The following RALYL variants were observed in gnomAD, a reference collection of about 807,000 sequenced individuals.
RALYL encodes the protein RNA-binding Raly-like protein.
Under a neutral mutation model 35.1 loss-of-function variants are expected in RALYL, and 29 were observed. The observed-to-expected ratio is 0.83, with a 90% CI of 0.61 to 1.13. The LOEUF is 1.13. Ranked by LOEUF, RALYL falls within the 50% of genes most tolerant of loss-of-function variation. The pLI is 0.00. For missense variants in RALYL, 359 were observed against 360.4 expected (o/e 1.00, Z 0.03); for synonymous variants, 120 against 127.6 (o/e 0.94, Z 0.40).
intron 1 of RALYL, among the ~76,000 whole-genome samples, chr8:84,193,582 G>A (rs1814510623): frequency 1.3e-5 from 2 of 152,306 alleles, no homozygotes; most frequent in South Asian, 4.1e-4. Context: ...GCCATTTAAT[G>A]GTGACTTCAG....
At chr8:84,884,403 G>C (rs992825355) in intron 7 of RALYL, among the ~76,000 whole-genome samples, 1 of 151,974 alleles carries the variant, frequency 6.6e-6, no homozygotes, top group Non-Finnish European at 1.5e-5. Flanking sequence ...TGAGGACTAT[G>C]CATGTTTAAA....
intron 8 of RALYL, among the ~76,000 whole-genome samples, chr8:84,889,993 C>T (rs1406084386): frequency 1.3e-5 from 2 of 152,194 alleles, no homozygotes; most frequent in Non-Finnish European, 2.9e-5. Flanking sequence ...ACTCTTGCCT[C>T]ATGCAACCCA....
intron 7 of RALYL, among the ~76,000 whole-genome samples, chr8:84,881,968 A>G (rs1409195248): frequency 6.6e-6 from 1 of 151,984 alleles, no homozygotes; most frequent in Non-Finnish European, 1.5e-5. Flanking sequence ...CTGTGTGACC[A>G]TGAGCACTTA....
intron 1 of RALYL, among the ~76,000 whole-genome samples, chr8:84,419,419 T>C (rs2045179562): frequency 6.6e-6 from 1 of 152,114 alleles, no homozygotes; most frequent in South Asian, 2.1e-4. Flanking sequence ...AACATTTTCA[T>C]TGTCTTTATC....
intron 2 of RALYL, among the ~76,000 whole-genome samples, chr8:84,731,324 A>G (rs1242062121): frequency 6.6e-6 from 1 of 152,036 alleles, no homozygotes; most frequent in Non-Finnish European, 1.5e-5. Context: ...GGGATGGTTA[A>G]CCCTCTTTTG....
At chr8:84,491,013 A>G (rs1396028783) in intron 1 of RALYL, among the ~76,000 whole-genome samples, 1 of 151,964 alleles carries the variant, frequency 6.6e-6, no homozygotes, top group Non-Finnish European at 1.5e-5. Flanking sequence ...AGTATGAGGA[A>G]GCATTTATGA....
chr8:84,270,820 C>A (rs1834167183), intron 1 of RALYL, among the ~76,000 whole-genome samples: 1 of 151,986 alleles, frequency 6.6e-6, no homozygotes. Flanking sequence ...CTGAGTCTAA[C>A]AAGTTATAGT....
intron 1 of RALYL, among the ~76,000 whole-genome samples, chr8:84,275,836 G>T (rs533887481): frequency 6.6e-6 from 1 of 151,944 alleles, no homozygotes; most frequent in African/African-American, 2.4e-5. Context: ...AATTTTCTTA[G>T]CAAGATCTTT....
chr8:84,652,518 A>G (rs779132336), intron 2 of RALYL, among the ~76,000 whole-genome samples: 6 of 152,072 alleles, frequency 3.9e-5, no homozygotes, highest in Non-Finnish European at 7.4e-5. Context: ...ACAAGTGAAC[A>G]TATTTATTCC....
At chr8:84,674,815 C>T (rs1015457419) in intron 2 of RALYL, among the ~76,000 whole-genome samples, 2 of 151,882 alleles carry the variant, frequency 1.3e-5, no homozygotes, top group African/African-American at 2.4e-5. Flanking sequence ...GCATGAAATC[C>T]AAGATTACAG....
rs913141977 is a variant in RALYL at position 84,854,615 on chromosome 8, A to G, written c.413+4588A>G. Among the ~76,000 whole-genome samples, 22 of 152,212 alleles carry G rather than the reference A, an allele frequency of 1.4e-4. 1 individual carries two copies. Among genetic ancestry groups the G allele is most frequent in the Admixed American group, 1.4e-3 (21 of 15,282 alleles). ...TCTGTTAACCCCATGCTGCTTGTTTAGATCATGAAAACAGAAATTACACTA... is the reference window on the plus strand; with the variant it reads ...TCTGTTAACCCCATGCTGCTTGTTTGGATCATGAAAACAGAAATTACACTA... On this transcript the variant is annotated intron_variant, in intron 5 of 8. Coordinates refer to ENST00000521268, the MANE Select transcript of RALYL (RefSeq NM_173848.7).
chr8:84,267,237 T>C (rs1366554975), intron 1 of RALYL, among the ~76,000 whole-genome samples: 1 of 152,172 alleles, frequency 6.6e-6, no homozygotes, highest in Non-Finnish European at 1.5e-5. Flanking sequence ...CTATGAGTTT[T>C]AGGATGCCTT....
intron 2 of RALYL, among the ~76,000 whole-genome samples, chr8:84,735,231 G>A (rs1185985889): frequency 6.6e-6 from 1 of 151,730 alleles, no homozygotes; most frequent in African/African-American, 2.4e-5. Flanking sequence ...CTCCAGTACT[G>A]TTCCAAGTTC....
intron 3 of RALYL, among the ~76,000 whole-genome samples, chr8:84,795,080 G>A (rs376996197): frequency 5.3e-5 from 8 of 152,314 alleles, no homozygotes; most frequent in African/African-American, 1.9e-4. Context: ...CAGTTGCAGA[G>A]ATTTCAGTTG....
chr8:84,771,911 T>G (rs1410225619), intron 2 of RALYL, among the ~76,000 whole-genome samples: 1 of 152,126 alleles, frequency 6.6e-6, no homozygotes, highest in Non-Finnish European at 1.5e-5. Context: ...TTTTTATGTC[T>G]GGTTTAAGAT....
At chr8:84,325,205 T>C (rs1434214814) in intron 1 of RALYL, among the ~76,000 whole-genome samples, 2 of 152,288 alleles carry the variant, frequency 1.3e-5, no homozygotes, top group East Asian at 3.9e-4. Context: ...AGATACTGTA[T>C]TCAAAATTTC....
At chr8:84,797,027 A>G (rs1191495683) in intron 3 of RALYL, among the ~76,000 whole-genome samples, 2 of 152,196 alleles carry the variant, frequency 1.3e-5, no homozygotes, top group African/African-American at 2.4e-5. Flanking sequence ...CTACTATCAC[A>G]GAGTAACACT....
intron 2 of RALYL, 41 bp downstream of exon 2, chr8:84,529,618 AT>A: frequency 6.4e-7 from 1 of 1,568,786 alleles, no homozygotes; most frequent in Non-Finnish European, 8.7e-7. Context: ...TATTGTTCAT[AT>A]ATCTGGAAAT....
intron 1 of RALYL, among the ~76,000 whole-genome samples, chr8:84,244,117 C>A (rs1828580231): frequency 6.6e-6 from 1 of 151,968 alleles, no homozygotes; most frequent in South Asian, 2.1e-4. Context: ...ATAGAAGCAA[C>A]TATGTATCTT....
Sources: allele counts gnomAD v4.1 joint callset (sites outside exome capture counted in the v4.1 genomes callset), GRCh38; gene constraint gnomAD v4.1.1; transcripts MANE v1.5; gene names NCBI Gene and HGNC (gene_info 2026-07-23, HGNC 2026-07-21).